F13A1: variants seen among roughly 807,000 people sequenced by gnomAD.
F13A1 encodes the protein coagulation factor XIII A chain, also known as FSF, A subunit.
In F13A1, 47 loss-of-function variants were observed where a neutral mutation model predicts 80.1. The ratio of observed to expected loss-of-function variants is 0.59; its 90% confidence interval spans 0.46 to 0.75. The LOEUF (loss-of-function observed/expected upper bound fraction) is 0.75, where lower values mean the gene tolerates loss of function less well. Among genes scored for constraint, F13A1 ranks in the 30% least tolerant of loss-of-function variants. The pLI, the probability that F13A1 is intolerant of heterozygous loss-of-function variation, is 0.00. For synonymous variants in F13A1, 349 were observed against 344.9 expected (o/e 1.01, Z -0.13); for missense variants, 817 against 930.4 (o/e 0.88, Z 1.59).
chr6:6,171,659 T>G (rs9504703), intron 12 of F13A1, among the ~76,000 whole-genome samples: 31,590 of 152,188 alleles, frequency 0.21, 3,335 homozygotes, highest in South Asian at 0.31. Context: ...AAAACCTAAG[T>G]TAGATTATGC....
intron 10 of F13A1, among the ~76,000 whole-genome samples, chr6:6,184,588 T>C (rs1485481724): frequency 6.6e-6 from 1 of 152,222 alleles, no homozygotes; most frequent in Non-Finnish European, 1.5e-5. Flanking sequence ...AATTCGGGAA[T>C]TCCCTCTGGA....
chr6:6,190,546 G>C (rs913140184), intron 10 of F13A1, among the ~76,000 whole-genome samples: 1 of 151,206 alleles, frequency 6.6e-6, no homozygotes, highest in African/African-American at 2.4e-5. Context: ...GGGGGTCAGG[G>C]GTCAGGGACC....
intron 13 of F13A1, among the ~76,000 whole-genome samples, chr6:6,164,878 A>AT (rs1016734343): frequency 1.2e-4 from 17 of 142,096 alleles, no homozygotes; most frequent in African/African-American, 4.2e-4. Context: ...ATGACTCTGC[A>AT]TTTCACCTCT....
chr6:6,198,316 A>G (rs1761327897), intron 8 of F13A1, among the ~76,000 whole-genome samples: 1 of 152,222 alleles, frequency 6.6e-6, no homozygotes, highest in Middle Eastern at 3.2e-3. Context: ...GTCCTTGAAA[A>G]GACCTGAAAT....
chr6:6,224,845 C>A lies in F13A1; in HGVS notation c.814G>T (p.Asp272Tyr). The change falls in exon 7 of 15, where the codon GAC becomes TAC. Residue 272 changes from aspartate to tyrosine, a missense_variant. Asp to Tyr is a radical substitution (Grantham distance 160, BLOSUM62 -3). Transcript: ENST00000264870. ...VGSAMVNAKD[D>Y]EGVLVGSWDN... ...CAGGATCCAACGAGGACACCTTCGT[C>A]ATCTTTGGCATTCACCTAAATGAGT... The A allele has an allele frequency of 6.2e-7, 1 of 1,614,022 alleles. No individual in the cohort carries two copies. Among genetic ancestry groups the A allele is most frequent in the East Asian group, 2.2e-5 (1 of 44,874 alleles).
intron 13 of F13A1, 91 bp downstream of exon 13, chr6:6,167,366 AC>A: frequency 2.3e-6 from 3 of 1,276,936 alleles, no homozygotes; most frequent in Non-Finnish European, 3.4e-6. Flanking sequence ...ATTCATTCAC[AC>A]ACACACACAC....
At chr6:6,295,994 A>T (rs1361297936) in intron 3 of F13A1, among the ~76,000 whole-genome samples, 2 of 142,116 alleles carry the variant, frequency 1.4e-5, no homozygotes, top group Non-Finnish European at 3.0e-5. Flanking sequence ...ACCATTTATT[A>T]AATAGGGAAT....
At chr6:6,236,566 G>C (rs1362985616) in intron 6 of F13A1, among the ~76,000 whole-genome samples, 1 of 151,964 alleles carries the variant, frequency 6.6e-6, no homozygotes, top group East Asian at 1.9e-4. Flanking sequence ...ATTTTGTATA[G>C]TTACTATTTC....
chr6:6,207,236 A>C (rs1381402095), intron 8 of F13A1, among the ~76,000 whole-genome samples: 3 of 152,170 alleles, frequency 2.0e-5, no homozygotes, highest in African/African-American at 4.8e-5. Context: ...CCAATGAAGG[A>C]GAGAAAATGA....
chr6:6,222,570 AT>A (rs796502221), intron 7 of F13A1, among the ~76,000 whole-genome samples: 24 of 152,310 alleles, frequency 1.6e-4, no homozygotes, highest in African/African-American at 5.8e-4. Context: ...CCTTGGTGGA[AT>A]TTGCTGTCTT....
chr6:6,268,490 G>C (rs1478102802), intron 3 of F13A1, among the ~76,000 whole-genome samples: 2 of 152,144 alleles, frequency 1.3e-5, no homozygotes, highest in Non-Finnish European at 2.9e-5. Context: ...AAATGTTTTG[G>C]AGTTGATGAG....
At chr6:6,169,615 A>T (rs1232821139) in intron 12 of F13A1, among the ~76,000 whole-genome samples, 4 of 152,322 alleles carry the variant, frequency 2.6e-5, no homozygotes, top group South Asian at 4.1e-4. Context: ...AGGCAATGTT[A>T]TCCCCAGGGG....
At chr6:6,240,664 C>A (rs1371180652) in intron 6 of F13A1, among the ~76,000 whole-genome samples, 1 of 152,202 alleles carries the variant, frequency 6.6e-6, no homozygotes, top group Non-Finnish European at 1.5e-5. Flanking sequence ...TATGAAGATA[C>A]TTTCTGTTAG....
At chr6:6,285,961 G>A (rs1396551182) in intron 3 of F13A1, among the ~76,000 whole-genome samples, 1 of 152,214 alleles carries the variant, frequency 6.6e-6, no homozygotes, top group African/African-American at 2.4e-5. Flanking sequence ...AATGCATCAA[G>A]TGGTCACGAG....
chr6:6,318,546 A>G lies in F13A1; in HGVS notation c.119T>C (p.Val40Ala). Residue 40 changes from valine to alanine, a missense_variant, in exon 2 of 15, where the codon GTC becomes GCC. Physicochemically the swap from Val to Ala is moderately conservative, Grantham distance 64. Coordinates refer to ENST00000264870, the MANE Select transcript of F13A1 (RefSeq NM_000129.4). ...VELQGVVPRG[V>A]NLQEFLNVTS... ...GGGTATGCTCATACCTTGCAGGTTG[A>G]CGCCCCGGGGCACCACGCCCTGAAG... is the stretch of plus-strand genomic sequence containing the variant. 1 of 1,613,512 alleles carries G rather than the reference A, an allele frequency of 6.2e-7. No homozygotes were observed. Among genetic ancestry groups the G allele is most frequent in the East Asian group, 2.2e-5 (1 of 44,882 alleles).
At chr6:6,168,853 G>A (rs1760723039) in intron 12 of F13A1, among the ~76,000 whole-genome samples, 1 of 152,188 alleles carries the variant, frequency 6.6e-6, no homozygotes, top group African/African-American at 2.4e-5. Flanking sequence ...TGGGTGCATT[G>A]AGCCATGCCC....
At chr6:6,276,743 A>G (rs1757993553) in intron 3 of F13A1, among the ~76,000 whole-genome samples, 2 of 152,342 alleles carry the variant, frequency 1.3e-5, no homozygotes, top group South Asian at 4.1e-4. Context: ...ATTCCAGAAG[A>G]TGAGGATTAA....
At chr6:6,241,027 C>T (rs779994325) in intron 6 of F13A1, among the ~76,000 whole-genome samples, 1 of 152,154 alleles carries the variant, frequency 6.6e-6, no homozygotes, top group Non-Finnish European at 1.5e-5. Context: ...CCCGAGAGCT[C>T]CTACTAATTG....
At chr6:6,169,677 G>A (rs1169870061) in intron 12 of F13A1, among the ~76,000 whole-genome samples, 1 of 152,116 alleles carries the variant, frequency 6.6e-6, no homozygotes, top group Admixed American at 6.5e-5. Context: ...GGGGTGGAGG[G>A]TGGGTTACTA....
Sources: allele counts gnomAD v4.1 joint callset (sites outside exome capture counted in the v4.1 genomes callset), GRCh38; gene constraint gnomAD v4.1.1; transcripts MANE v1.5; gene names NCBI Gene and HGNC (gene_info 2026-07-23, HGNC 2026-07-21).